Variants in GALNT1 observed in about 807,000 individuals in gnomAD.
The protein encoded by GALNT1 is polypeptide N-acetylgalactosaminyltransferase 1.
Under a neutral mutation model 65.7 loss-of-function variants are expected in GALNT1, and 17 were observed. That is an observed-to-expected ratio of 0.26 (90% CI 0.18 to 0.39). GALNT1 has a LOEUF of 0.39. GALNT1 is among the 10% of genes least tolerant of loss of function. The probability of loss-of-function intolerance (pLI) is 1.00; values close to 1 mark genes in which losing one functional copy is unlikely to be tolerated. For missense variants in GALNT1, 460 were observed against 672.8 expected, an observed-to-expected ratio of 0.68 and a Z score of 3.50; for synonymous variants, 210 against 219.7, an observed-to-expected ratio of 0.96 and a Z score of 0.39.
At chr18:35,695,410 G>A (rs2048039968) in intron 9 of GALNT1, among the ~76,000 whole-genome samples, 2 of 152,282 alleles carry the variant, frequency 1.3e-5, no homozygotes, top group South Asian at 2.1e-4. Context: ...TCTTCTGGTG[G>A]CTTGTTTCCT....
chr18:35,640,040 C>T (rs943044605), intron 1 of GALNT1, among the ~76,000 whole-genome samples: 2 of 152,116 alleles, frequency 1.3e-5, no homozygotes, highest in Non-Finnish European at 2.9e-5. Context: ...TCAGGTGATC[C>T]CCCCACCTTG....
intron 4 of GALNT1, among the ~76,000 whole-genome samples, chr18:35,678,644 A>G (rs1170100301): frequency 6.6e-6 from 1 of 152,176 alleles, no homozygotes; most frequent in Admixed American, 6.5e-5. Flanking sequence ...CTGTGTTCGC[A>G]TGAGAAAAAT....
intron 1 of GALNT1, among the ~76,000 whole-genome samples, chr18:35,642,167 A>G (rs2047172312): frequency 1.3e-5 from 2 of 152,208 alleles, no homozygotes; most frequent in Admixed American, 1.3e-4. Context: ...ACTAGTAGAC[A>G]TGTTCAGGAA....
intron 1 of GALNT1, among the ~76,000 whole-genome samples, chr18:35,591,370 A>C (rs1436376311): frequency 6.6e-6 from 1 of 152,216 alleles, no homozygotes; most frequent in Admixed American, 6.5e-5. Flanking sequence ...GAGATGGGGA[A>C]GCAAAACAAA....
chr18:35,699,770 T>C (rs1359129027), intron 9 of GALNT1, among the ~76,000 whole-genome samples: 1 of 141,674 alleles, frequency 7.1e-6, no homozygotes, highest in African/African-American at 2.8e-5. Context: ...TTCTGCTGTT[T>C]TAAAATTTTT....
intron 1 of GALNT1, among the ~76,000 whole-genome samples, chr18:35,616,417 A>C (rs556131116): frequency 6.6e-6 from 1 of 152,338 alleles, no homozygotes; most frequent in Admixed American, 6.5e-5. Context: ...TGCTCAGCAC[A>C]CAGTAAGTGC....
At chr18:35,586,115 C>G (rs527409870) in intron 1 of GALNT1, among the ~76,000 whole-genome samples, 2 of 152,168 alleles carry the variant, frequency 1.3e-5, no homozygotes, top group Non-Finnish European at 2.9e-5. Context: ...TGAGGCACCA[C>G]GCCTGGCCTG....
At chr18:35,617,764 C>A (rs2046802968) in intron 1 of GALNT1, among the ~76,000 whole-genome samples, 1 of 152,108 alleles carries the variant, frequency 6.6e-6, no homozygotes, top group African/African-American at 2.4e-5. Flanking sequence ...TAACCCAGTT[C>A]ATAATCATAT....
chr18:35,684,623 T>G (rs956447653), intron 5 of GALNT1, among the ~76,000 whole-genome samples: 1 of 152,208 alleles, frequency 6.6e-6, no homozygotes, highest in Non-Finnish European at 1.5e-5. Flanking sequence ...CAGTTTGGGC[T>G]GCATGGTGGA....
In GALNT1 at chr18:35,582,869, T is replaced by C. The variant is rs966530846; in HGVS notation, c.-104+1007T>C. On this transcript the variant is annotated intron_variant, in intron 1 of 11. Transcript: ENST00000269195. ...ATCACATCTGTGTCCAGACCTGGAC[T>C]GTCCAGCGTGGGAGCCACTAACCAC... is the stretch of plus-strand genomic sequence containing the variant. 3.3e-5 allele frequency among the ~76,000 whole-genome samples: 5 copies of C among 152,342 alleles called. No individual in the cohort carries two copies. The East Asian group carries it at 7.7e-4, about 23-fold the overall frequency.
chr18:35,628,984 G>T (rs950211839), intron 1 of GALNT1, among the ~76,000 whole-genome samples: 1 of 152,298 alleles, frequency 6.6e-6, no homozygotes, highest in African/African-American at 2.4e-5. Flanking sequence ...AAGATCAAAT[G>T]AATGAAATGA....
chr18:35,627,304 A>C (rs749651649), intron 1 of GALNT1: 1 of 152,252 alleles, frequency 6.6e-6, no homozygotes, highest in African/African-American at 2.4e-5. Flanking sequence ...GAAGAAGCTG[A>C]ATAAGGCATG....
At chr18:35,584,125 G>A (rs1199886811) in intron 1 of GALNT1, among the ~76,000 whole-genome samples, 1 of 152,074 alleles carries the variant, frequency 6.6e-6, no homozygotes, top group Non-Finnish European at 1.5e-5. Context: ...GTCTTGTCTG[G>A]TTTTCCATAA....
chr18:35,602,665 A>G (rs922019739), intron 1 of GALNT1, among the ~76,000 whole-genome samples: 7 of 152,110 alleles, frequency 4.6e-5, no homozygotes, highest in Non-Finnish European at 1.0e-4. Context: ...CAGTTTAGCA[A>G]ATGTATTTCT....
At chr18:35,646,165 G>A (rs558825995) in intron 1 of GALNT1, among the ~76,000 whole-genome samples, 1 of 152,160 alleles carries the variant, frequency 6.6e-6, no homozygotes, top group Admixed American at 6.5e-5. Context: ...GGAGGAGCAG[G>A]AGAGAGAAAG....
chr18:35,626,042 T>A (rs1300538870), intron 1 of GALNT1, among the ~76,000 whole-genome samples: 1 of 152,178 alleles, frequency 6.6e-6, no homozygotes, highest in East Asian at 1.9e-4. Flanking sequence ...CCTCCCTATT[T>A]TAACTCACAC....
chr18:35,589,344 G>C (rs916101929), intron 1 of GALNT1, among the ~76,000 whole-genome samples: 1 of 152,184 alleles, frequency 6.6e-6, no homozygotes, highest in South Asian at 2.1e-4. Context: ...CGGGGAGTAC[G>C]TGAAGTCTAG....
intron 3 of GALNT1, among the ~76,000 whole-genome samples, chr18:35,677,116 C>T (rs550073571): frequency 1.3e-5 from 2 of 152,156 alleles, no homozygotes; most frequent in African/African-American, 2.4e-5. Flanking sequence ...TCCAAGCATC[C>T]GTCTTATAGA....
rs1963845 is a variant in GALNT1, at chr18:35,674,244, G to C, written c.315-3347G>C. ...GACTTTATCAACACTGTACACTTAG[G>C]CTCTTCTAAATGTATTTTGCAGATT... On this transcript the variant is annotated intron_variant, in intron 3 of 11. Coordinates refer to ENST00000269195, the MANE Select transcript of GALNT1 (RefSeq NM_020474.4). 5.7e-3 allele frequency among the ~76,000 whole-genome samples: 867 copies of C among 152,272 alleles called. 21 individuals carry two copies. In the East Asian group the frequency reaches 0.065, roughly 12 times the overall value.
Sources: allele counts gnomAD v4.1 joint callset (sites outside exome capture counted in the v4.1 genomes callset), GRCh38; gene constraint gnomAD v4.1.1; transcripts MANE v1.5; gene names NCBI Gene and HGNC (gene_info 2026-07-23, HGNC 2026-07-21).